The following VSNL1 variants were observed in gnomAD, a reference collection of about 807,000 sequenced individuals.
The protein encoded by VSNL1 is visinin like 1.
A neutral mutation model predicts 20.4 loss-of-function variants in VSNL1; 6 were observed. The observed-to-expected ratio is 0.29, with a 90% confidence interval of 0.16 to 0.58. The LOEUF is 0.58. VSNL1 is among the 20% of genes least tolerant of loss of function. The pLI, the probability that VSNL1 is intolerant of heterozygous loss-of-function variation, is 0.90. For missense variants in VSNL1, 100 were observed against 234.5 expected (o/e 0.43, Z 3.75); for synonymous variants, 93 against 86.4 (o/e 1.08, Z -0.42).
At chr2:17,541,275 G>T (rs1417580173) in intron 1 of VSNL1, 1 of 152,102 alleles carries the variant, frequency 6.6e-6, no homozygotes, top group African/African-American at 2.4e-5. Flanking sequence ...CTATTGAGCG[G>T]GTACAGTCGA....
intron 2 of VSNL1, among the ~76,000 whole-genome samples, chr2:17,633,666 C>T (rs1665688209): frequency 6.6e-6 from 1 of 152,084 alleles, no homozygotes; most frequent in African/African-American, 2.4e-5. Context: ...CAGGAGTGAC[C>T]CTTCCCTGGA....
At chr2:17,573,556 G>C (rs917129672) in intron 1 of VSNL1, among the ~76,000 whole-genome samples, 1 of 152,120 alleles carries the variant, frequency 6.6e-6, no homozygotes, top group Non-Finnish European at 1.5e-5. Context: ...TAGAACTAGG[G>C]GAAGAAATGG....
At chr2:17,601,116 G>A (rs926266054) in intron 2 of VSNL1, among the ~76,000 whole-genome samples, 1 of 152,184 alleles carries the variant, frequency 6.6e-6, no homozygotes, top group Non-Finnish European at 1.5e-5. Flanking sequence ...TGTGACTGTG[G>A]CATCCTGAAG....
At chr2:17,570,975 G>T (rs538915937) in intron 1 of VSNL1, among the ~76,000 whole-genome samples, 2 of 152,022 alleles carry the variant, frequency 1.3e-5, no homozygotes, top group South Asian at 4.2e-4. Context: ...GCAGTAAGCC[G>T]AGATTGCGCC....
intron 1 of VSNL1, among the ~76,000 whole-genome samples, chr2:17,554,138 A>G (rs539334949): frequency 4.1e-4 from 62 of 152,322 alleles, no homozygotes; most frequent in African/African-American, 1.3e-3. Context: ...TAGAGAATGT[A>G]AAGTGAGCAG....
chr2:17,550,883 T>C (rs1262615101), intron 1 of VSNL1, among the ~76,000 whole-genome samples: 2 of 152,210 alleles, frequency 1.3e-5, no homozygotes, highest in Non-Finnish European at 2.9e-5. Context: ...TTCTCAGTCC[T>C]CTTAGCACAT....
chr2:17,573,667 T>TC (rs377020236), intron 1 of VSNL1, among the ~76,000 whole-genome samples: 315 of 152,340 alleles, frequency 2.1e-3, no homozygotes, highest in African/African-American at 7.3e-3. Context: ...CATTGTATCC[T>TC]CCATTGCCTT....
At chr2:17,620,053 C>T (rs944486779) in intron 2 of VSNL1, among the ~76,000 whole-genome samples, 10 of 152,058 alleles carry the variant, frequency 6.6e-5, no homozygotes, top group Non-Finnish European at 1.5e-5. Context: ...TAAGAAAATG[C>T]CAGGAGATAG....
Position 17,649,773 on chromosome 2 carries a change from C to A in VSNL1, c.378+148C>A. The A allele has an allele frequency of 1.3e-6, 1 of 779,620 alleles. No homozygotes were observed. Among genetic ancestry groups the A allele is most frequent in the Non-Finnish European group, 2.1e-6 (1 of 486,646 alleles). 48.3% of individuals were successfully genotyped at this position (779,620 alleles called of 1,614,324 possible). ...CCTGGACTTCTCCTGCTTCTGTCCCCGCTGCAGCACAGTGCTGGGGAGGTC... is the reference window on the plus strand; with the variant it reads ...CCTGGACTTCTCCTGCTTCTGTCCCAGCTGCAGCACAGTGCTGGGGAGGTC... On this transcript the variant is annotated intron_variant, in intron 3 of 3. Transcript: ENST00000295156. The surrounding 1 kb of genome is among the most constrained non-coding windows in gnomAD (Gnocchi z 6.4).
chr2:17,637,947 C>T (rs1036304324), intron 2 of VSNL1, among the ~76,000 whole-genome samples: 4 of 152,240 alleles, frequency 2.6e-5, no homozygotes, highest in South Asian at 2.1e-4. Flanking sequence ...TAATGCTGAG[C>T]GGTCAAGTCA....
chr2:17,571,523 A>G (rs1664083978), intron 1 of VSNL1, among the ~76,000 whole-genome samples: 1 of 152,222 alleles, frequency 6.6e-6, no homozygotes. Context: ...TATTAATACC[A>G]AAAGTCATCA....
Position 17,648,332 on chromosome 2 carries a change from A to C in VSNL1, c.163-1078A>C, listed in dbSNP as rs183534921. Among the ~76,000 whole-genome samples the C allele has an allele frequency of 3.2e-3, 480 of 152,334 alleles. 1 individual carries two copies. The highest frequency in any genetic ancestry group is 4.1e-3 in the Non-Finnish European group (282 of 68,032). Reference sequence around the variant, plus strand: ...AGGACCCAGGTCAGGATGCACAGTGAGAAAGACGGACCGAGGGCTCCTCGA... The same window carrying C: ...AGGACCCAGGTCAGGATGCACAGTGCGAAAGACGGACCGAGGGCTCCTCGA... On this transcript the variant is annotated intron_variant, in intron 2 of 3. Transcript: ENST00000295156.
intron 2 of VSNL1, among the ~76,000 whole-genome samples, chr2:17,612,447 T>C (rs1172347931): frequency 2.6e-5 from 4 of 152,214 alleles, no homozygotes; most frequent in Non-Finnish European, 4.4e-5. Flanking sequence ...TAATGGTTCT[T>C]ATGGTTAGGA....
chr2:17,609,876 C>A (rs889415331), intron 2 of VSNL1, among the ~76,000 whole-genome samples: 2 of 152,206 alleles, frequency 1.3e-5, no homozygotes, highest in Non-Finnish European at 2.9e-5. Context: ...ACACAACCCC[C>A]CACTGCCATC....
chr2:17,598,229 A>C (rs1364434458), intron 2 of VSNL1, among the ~76,000 whole-genome samples: 2 of 152,250 alleles, frequency 1.3e-5, no homozygotes, highest in Non-Finnish European at 2.9e-5. Context: ...GTTGTACACA[A>C]ACATATAATA....
chr2:17,579,656 C>T (rs758922121), intron 1 of VSNL1, among the ~76,000 whole-genome samples: 33 of 152,162 alleles, frequency 2.2e-4, no homozygotes, highest in Non-Finnish European at 1.0e-4. Flanking sequence ...AAAACACTGG[C>T]AAAGCTGAAA....
At chr2:17,541,966 C>T (rs1317656848) in intron 1 of VSNL1, among the ~76,000 whole-genome samples, 1 of 152,106 alleles carries the variant, frequency 6.6e-6, no homozygotes, top group African/African-American at 2.4e-5. Context: ...GAGTTGCCCT[C>T]CTGTCCGTAT....
chr2:17,650,404 T>C (rs1055538270), intron 3 of VSNL1, among the ~76,000 whole-genome samples: 3 of 152,192 alleles, frequency 2.0e-5, no homozygotes, highest in Non-Finnish European at 4.4e-5. Flanking sequence ...GAATGCAAGC[T>C]CTCTGAGGAG....
chr2:17,599,094 G>A (rs1664773302), intron 2 of VSNL1, among the ~76,000 whole-genome samples: 1 of 152,176 alleles, frequency 6.6e-6, no homozygotes. Flanking sequence ...GGTCTGCAGA[G>A]GAAAACACCA....
Sources: allele counts gnomAD v4.1 joint callset (sites outside exome capture counted in the v4.1 genomes callset), GRCh38; gene constraint gnomAD v4.1.1; non-coding constraint Gnocchi (gnomAD v3.1); transcripts MANE v1.5; gene names NCBI Gene and HGNC (gene_info 2026-07-23, HGNC 2026-07-21).